The following SNTG1 variants were observed in gnomAD, a reference collection of about 807,000 sequenced individuals.
The protein encoded by SNTG1 is gamma-1-syntrophin.
A neutral mutation model predicts 74.7 loss-of-function variants in SNTG1; 39 were observed. That is an observed-to-expected ratio of 0.52 (90% CI 0.40 to 0.68). SNTG1 has a LOEUF of 0.68. Among genes scored for constraint, SNTG1 ranks in the 30% least tolerant of loss-of-function variants. The pLI, the probability that SNTG1 is intolerant of heterozygous loss-of-function variation, is 0.00. For missense variants in SNTG1, 685 were observed against 609.5 expected (o/e 1.12, Z -1.30); for synonymous variants, 254 against 217.1 (o/e 1.17, Z -1.49).
intron 1 of SNTG1, among the ~76,000 whole-genome samples, chr8:50,172,168 G>A (rs1168579784): frequency 6.6e-6 from 1 of 152,148 alleles, no homozygotes; most frequent in East Asian, 1.9e-4. Flanking sequence ...TAAATCAATA[G>A]ACCATTCCTC....
intron 1 of SNTG1, among the ~76,000 whole-genome samples, chr8:50,064,476 A>G (rs1820741413): frequency 6.6e-6 from 1 of 152,142 alleles, no homozygotes; most frequent in African/African-American, 2.4e-5. Flanking sequence ...TCCCGTTTGC[A>G]CTTTTTACCT....
At chr8:50,636,426 C>A (rs13254513) in intron 13 of SNTG1, among the ~76,000 whole-genome samples, 1 of 151,698 alleles carries the variant, frequency 6.6e-6, no homozygotes, top group Admixed American at 6.6e-5. Context: ...CTTTGGCACA[C>A]GGTAGTAAAG....
At chr8:50,689,491 A>G (rs1022862866) in intron 15 of SNTG1, among the ~76,000 whole-genome samples, 8 of 152,144 alleles carry the variant, frequency 5.3e-5, no homozygotes, top group African/African-American at 1.9e-4. Context: ...CCTTTTCTGC[A>G]TCTATTGAGA....
chr8:50,213,870 T>G lies in SNTG1; in HGVS notation c.-28+41235T>G, dbSNP rs562737394. ...GTAGGTTGTGAAAATTTTCTCCCAT[T>G]TTGTAGGTTGCCTGTTCACTCTGAT... On this transcript the variant is annotated intron_variant, in intron 2 of 18. Transcript: ENST00000642720. 1.1e-4 allele frequency among the ~76,000 whole-genome samples: 16 copies of G among 151,844 alleles called. 1 individual carries two copies. The highest frequency in any genetic ancestry group is 5.8e-4 in the East Asian group (3 of 5,140).
intron 1 of SNTG1, among the ~76,000 whole-genome samples, chr8:50,100,009 G>A (rs1482696346): frequency 6.6e-6 from 1 of 151,784 alleles, no homozygotes; most frequent in Non-Finnish European, 1.5e-5. Context: ...TGCTTTTGGT[G>A]CCTAAGTGTT....
intron 2 of SNTG1, among the ~76,000 whole-genome samples, chr8:50,287,258 C>T (rs1202120201): frequency 6.6e-6 from 1 of 152,094 alleles, no homozygotes; most frequent in Non-Finnish European, 1.5e-5. Context: ...AAAATCTAGG[C>T]CTACTGAATA....
chr8:50,000,614 G>A (rs910925967), intron 1 of SNTG1, among the ~76,000 whole-genome samples: 2 of 152,146 alleles, frequency 1.3e-5, no homozygotes, highest in African/African-American at 4.8e-5. Flanking sequence ...CAGACTCTGT[G>A]CTACTTCTCA....
At chr8:50,498,762 A>C (rs1186409332) in intron 8 of SNTG1, among the ~76,000 whole-genome samples, 1 of 152,000 alleles carries the variant, frequency 6.6e-6, no homozygotes, top group Non-Finnish European at 1.5e-5. Flanking sequence ...AGTTAGTATT[A>C]GTATGTCGTG....
chr8:50,036,023 A>T (rs529135834), intron 1 of SNTG1, among the ~76,000 whole-genome samples: 2 of 152,268 alleles, frequency 1.3e-5, no homozygotes, highest in East Asian at 1.9e-4. Flanking sequence ...ATTAAAAAAA[A>T]ATTGGTCTCT....
chr8:50,156,638 A>T (rs1315500221), intron 1 of SNTG1, among the ~76,000 whole-genome samples: 1 of 152,102 alleles, frequency 6.6e-6, no homozygotes, highest in African/African-American at 2.4e-5. Context: ...GCCCATGGAC[A>T]AAATGTATCA....
In SNTG1 at chr8:50,248,372, C is replaced by A. The variant is rs144992032; in HGVS notation, c.-28+75737C>A. Among the ~76,000 whole-genome samples, 6 of 152,236 alleles carry A rather than the reference C, an allele frequency of 3.9e-5. No homozygotes were observed. In the East Asian group the frequency reaches 1.2e-3, roughly 29 times the overall value. On this transcript the variant is annotated intron_variant, in intron 2 of 18. Coordinates refer to ENST00000642720, the MANE Select transcript of SNTG1 (RefSeq NM_018967.5). ...TATTTGACTTTCAATTTCTCTTCAG[C>A]CATATTATTTTAAACTCAATTCCCC...
chr8:50,603,005 T>C (rs2094786439), intron 13 of SNTG1, among the ~76,000 whole-genome samples: 1 of 152,006 alleles, frequency 6.6e-6, no homozygotes, highest in Admixed American at 6.6e-5. Flanking sequence ...CTTCTTTAGA[T>C]GAAGTCCACT....
rs927406665 is a variant in SNTG1 at position 49,962,312 on chromosome 8, G to A, written c.-103+50081G>A. Among the ~76,000 whole-genome samples, 10 of 151,446 alleles carry A rather than the reference G, an allele frequency of 6.6e-5. No homozygotes were observed. In the South Asian group the frequency reaches 1.3e-3, roughly 19 times the overall value. On this transcript the variant is annotated intron_variant, in intron 1 of 18. Transcript: ENST00000642720. Reference sequence around the variant, plus strand: ...TTGAGAGAGTGGTTCTTTTTTGGGGGGCGGGTGATATCTAGGGTGCCTTAT... The same window carrying A: ...TTGAGAGAGTGGTTCTTTTTTGGGGAGCGGGTGATATCTAGGGTGCCTTAT...
intron 1 of SNTG1, among the ~76,000 whole-genome samples, chr8:49,938,397 A>C (rs2129368904): frequency 6.6e-6 from 1 of 152,270 alleles, no homozygotes; most frequent in South Asian, 2.1e-4. Context: ...ACAAAGGAGC[A>C]TGTGCATGTT....
rs78859218 is a variant in SNTG1 at position 49,938,358 on chromosome 8, T to C, written c.-103+26127T>C. ...CCACATAATAATCCTAGAAGGTAGA[T>C]AATAATTATAATCCCCACTATTTTG... is the stretch of plus-strand genomic sequence containing the variant. On this transcript the variant is annotated intron_variant, in intron 1 of 18. Transcript: ENST00000642720. Among the ~76,000 whole-genome samples, 506 of 152,286 alleles carry C rather than the reference T, an allele frequency of 3.3e-3. 4 individuals are homozygous for C. The highest frequency in any genetic ancestry group is 6.8e-3 in the Middle Eastern group (2 of 294).
chr8:50,440,156 C>T (rs1437889289), intron 5 of SNTG1, among the ~76,000 whole-genome samples: 1 of 151,356 alleles, frequency 6.6e-6, no homozygotes, highest in Non-Finnish European at 1.5e-5. Flanking sequence ...CAATTATTGA[C>T]CAAAAAGTGG....
chr8:50,590,775 A>G (rs530389044), intron 12 of SNTG1, 104 bp from the exon 13 acceptor site: 4 of 625,106 alleles, frequency 6.4e-6, no homozygotes, highest in African/African-American at 3.9e-5. Flanking sequence ...AAAATAGGAT[A>G]TTAGTATATA....
At chr8:50,610,820 G>A (rs1413439401) in intron 13 of SNTG1, among the ~76,000 whole-genome samples, 1 of 152,092 alleles carries the variant, frequency 6.6e-6, no homozygotes, top group Non-Finnish European at 1.5e-5. Context: ...GTTTTTGAAA[G>A]ACAACACTTC....
chr8:49,946,914 G>A (rs532554089), intron 1 of SNTG1, among the ~76,000 whole-genome samples: 1 of 152,124 alleles, frequency 6.6e-6, no homozygotes, highest in African/African-American at 2.4e-5. Flanking sequence ...TATTTTCAAT[G>A]ATTATATTAG....
Sources: gnomAD v4.1 joint callset for allele counts (sites outside exome capture counted in the v4.1 genomes callset) on GRCh38, gnomAD v4.1.1 for gene constraint, MANE v1.5 for transcripts, NCBI Gene and HGNC (gene_info 2026-07-23, HGNC 2026-07-21) for gene names.